The following ADGRA3 variants were observed in gnomAD, a reference collection of about 807,000 sequenced individuals.
The protein encoded by ADGRA3 is G-protein coupled receptor 125.
A neutral mutation model predicts 119.8 loss-of-function variants in ADGRA3; 56 were observed. The observed-to-expected ratio is 0.47, with a 90% CI of 0.38 to 0.58. ADGRA3 has a LOEUF of 0.58. Ranked by LOEUF, ADGRA3 falls within the 20% of genes least tolerant of loss-of-function variation. The pLI is 0.00. For missense variants in ADGRA3, 1,516 were observed against 1,649.0 expected, an observed-to-expected ratio of 0.92 and a Z score of 1.40; for synonymous variants, 607 against 623.8, an observed-to-expected ratio of 0.97 and a Z score of 0.40.
chr4:22,484,935 T>C (rs537767603), intron 1 of ADGRA3, among the ~76,000 whole-genome samples: 1 of 152,310 alleles, frequency 6.6e-6, no homozygotes, highest in East Asian at 1.9e-4. Flanking sequence ...AACCTTCACA[T>C]TTCTTAATTC....
intron 10 of ADGRA3, among the ~76,000 whole-genome samples, chr4:22,429,978 G>A (rs1560312785): frequency 6.6e-6 from 1 of 152,122 alleles, no homozygotes; most frequent in African/African-American, 2.4e-5. Context: ...GCAGGTCTTT[G>A]TCATGCTGTT....
In ADGRA3 at chr4:22,437,204, T is replaced by C. The variant is rs556370630; in HGVS notation, c.1086-563A>G. On this transcript the variant is annotated intron_variant, in intron 8 of 18. Coordinates refer to ENST00000334304, the MANE Select transcript of ADGRA3 (RefSeq NM_145290.4). ...TTAAAAGCATGTACTATAAATATTA[T>C]AGATCAATACCTAATCTACATAAAA... 1.9e-4 allele frequency among the ~76,000 whole-genome samples: 29 copies of C among 152,346 alleles called. No homozygotes were observed. In the East Asian group the frequency reaches 4.4e-3, roughly 23 times the overall value.
intron 4 of ADGRA3, among the ~76,000 whole-genome samples, chr4:22,451,693 G>T (rs1419339984): frequency 6.6e-6 from 1 of 152,056 alleles, no homozygotes; most frequent in Non-Finnish European, 1.5e-5. Context: ...TGCCTAGGCT[G>T]TCCGCCAAGG....
At chr4:22,460,742 G>A (rs987280445) in intron 3 of ADGRA3, among the ~76,000 whole-genome samples, 1 of 152,174 alleles carries the variant, frequency 6.6e-6, no homozygotes, top group Non-Finnish European at 1.5e-5. Flanking sequence ...TCTTTTGTTA[G>A]AGGTCCAAGC....
intron 9 of ADGRA3, among the ~76,000 whole-genome samples, chr4:22,435,806 G>A (rs1002509578): frequency 4.6e-5 from 7 of 152,114 alleles, no homozygotes; most frequent in Non-Finnish European, 8.8e-5. Context: ...TATTCCTGCT[G>A]GGAATGATCA....
At chr4:22,401,264 T>A (rs1166166094) in intron 16 of ADGRA3, among the ~76,000 whole-genome samples, 167 bp downstream of exon 16, 3 of 152,208 alleles carry the variant, frequency 2.0e-5, no homozygotes, top group Non-Finnish European at 4.4e-5. Flanking sequence ...AAAATGGTAA[T>A]TTAAAACAGG....
chr4:22,451,503 C>G (rs1272393936), intron 4 of ADGRA3, among the ~76,000 whole-genome samples: 1 of 152,010 alleles, frequency 6.6e-6, no homozygotes, highest in East Asian at 1.9e-4. Flanking sequence ...GAGAACTTCT[C>G]CATCAGCAAA....
intron 6 of ADGRA3, 42 bp downstream of exon 6, chr4:22,444,930 CA>C (rs753068342): frequency 6.2e-7 from 1 of 1,602,514 alleles, no homozygotes; most frequent in Non-Finnish European, 8.5e-7. Context: ...GGTAGCAAGT[CA>C]AAATATGGTA....
chr4:22,416,839 C>A (rs186603756), intron 12 of ADGRA3, among the ~76,000 whole-genome samples: 1 of 152,182 alleles, frequency 6.6e-6, no homozygotes, highest in African/African-American at 2.4e-5. Context: ...TTTACAATGA[C>A]ACTAAGCTAA....
chr4:22,443,084 A>G, intron 6 of ADGRA3: 3 of 685,888 alleles, frequency 4.4e-6, no homozygotes, highest in Non-Finnish European at 7.9e-6. Context: ...TCTGACATTT[A>G]GAGTTATTCC....
chr4:22,414,250 TATG>T lies in ADGRA3; in HGVS notation c.1810-439_1810-437del, dbSNP rs756946401. The stretch of plus-strand genomic sequence containing the variant: ...GGGCTTATGGAACTTTAAGGTGATT[TATG>T]ATGAATTCAAACCTCCACACAACAA... On this transcript the variant is annotated intron_variant, in intron 12 of 18. Coordinates refer to ENST00000334304, the MANE Select transcript of ADGRA3 (RefSeq NM_145290.4). 256 of 225,652 alleles carry T rather than the reference TATG, an allele frequency of 1.1e-3. 1 individual carries two copies. The highest frequency in any genetic ancestry group is 2.7e-3 in the Admixed American group (51 of 19,168). 14.0% of individuals were successfully genotyped at this position (225,652 alleles called of 1,614,324 possible).
In ADGRA3 at chr4:22,388,737, C is replaced by CA; in HGVS notation, c.2933dup (p.Leu978PhefsTer12). On this transcript the variant is annotated frameshift_variant, in exon 19 of 19. Transcript: ENST00000334304. LOFTEE classifies it high-confidence loss of function. ...CCAAGGCTGATGTAGAAATCAGAGA[C>CA]AAAGACATTGAATCCTGATGATTTA... 2 of 1,614,070 alleles carry CA rather than the reference C, an allele frequency of 1.2e-6. No homozygotes were observed. Among genetic ancestry groups the CA allele is most frequent in the South Asian group, 2.2e-5 (2 of 91,082 alleles).
chr4:22,505,646 CAAA>C (rs199814126), intron 1 of ADGRA3, among the ~76,000 whole-genome samples: 10 of 122,920 alleles, frequency 8.1e-5, no homozygotes, highest in Admixed American at 1.7e-4. Flanking sequence ...GACTCTGTCT[CAAA>C]AAAAAAAAAA....
In ADGRA3 at chr4:22,452,640, C is replaced by T. The variant is rs192592880; in HGVS notation, c.473+2226G>A. On this transcript the variant is annotated intron_variant, in intron 4 of 18. Coordinates refer to ENST00000334304, the MANE Select transcript of ADGRA3 (RefSeq NM_145290.4). ...ACCTACCAAACATTTTAGTTCTTGA[C>T]GAAGAAGGCAAAGGAAATACTAAGA... Among the ~76,000 whole-genome samples the T allele has an allele frequency of 2.9e-3, 438 of 152,166 alleles. 1 individual carries two copies. Among genetic ancestry groups the T allele is most frequent in the South Asian group, 7.1e-3 (34 of 4,818 alleles).
chr4:22,411,575 G>A (rs893976009), intron 14 of ADGRA3, among the ~76,000 whole-genome samples: 3 of 151,986 alleles, frequency 2.0e-5, no homozygotes, highest in Non-Finnish European at 2.9e-5. Context: ...CTCCAGCCTG[G>A]GCAACCTGAG....
chr4:22,483,082 C>T (rs1718307170), intron 1 of ADGRA3, among the ~76,000 whole-genome samples: 2 of 152,226 alleles, frequency 1.3e-5, no homozygotes, highest in African/African-American at 4.8e-5. Flanking sequence ...AAGCCTTCCT[C>T]ATAGCTGTGA....
chr4:22,487,247 T>C (rs73802832), intron 1 of ADGRA3, among the ~76,000 whole-genome samples: 2,365 of 152,306 alleles, frequency 0.016, 62 homozygotes, highest in African/African-American at 0.053. Context: ...TGAGACAATA[T>C]ATTCTAAATC....
rs1719037390 is a variant in ADGRA3, at chr4:22,501,198, G to A, written c.257+14330C>T. On this transcript the variant is annotated intron_variant, in intron 1 of 18. Transcript: ENST00000334304. ...TCTCTTCATCTAGCCTATGGGTTCTGTTTCTCTAGAAAATCTTAATATACC... is the reference window on the plus strand; with the variant it reads ...TCTCTTCATCTAGCCTATGGGTTCTATTTCTCTAGAAAATCTTAATATACC... Among the ~76,000 whole-genome samples, 5 of 152,104 alleles carry A rather than the reference G, an allele frequency of 3.3e-5. No homozygotes were observed. In the South Asian group the frequency reaches 1.0e-3, roughly 32 times the overall value.
At chr4:22,481,142 T>C (rs1177394358) in intron 1 of ADGRA3, among the ~76,000 whole-genome samples, 1 of 152,186 alleles carries the variant, frequency 6.6e-6, no homozygotes, top group Admixed American at 6.5e-5. Flanking sequence ...TATAATAATA[T>C]GTGTTATTGC....
Sources: gnomAD v4.1 joint callset for allele counts (sites outside exome capture counted in the v4.1 genomes callset) on GRCh38, gnomAD v4.1.1 for gene constraint, MANE v1.5 for transcripts, NCBI Gene and HGNC (gene_info 2026-07-23, HGNC 2026-07-21) for gene names.